The following HDHD2 variants were observed in gnomAD, a reference collection of about 807,000 sequenced individuals.
HDHD2 encodes haloacid dehalogenase-like hydrolase domain-containing protein 2.
In HDHD2, 26 loss-of-function variants were observed where a neutral mutation model predicts 24.8. The ratio of observed to expected loss-of-function variants is 1.05; its 90% CI spans 0.77 to 1.45. HDHD2 has a LOEUF of 1.45. HDHD2 is among the 40% of genes most tolerant of loss of function. The pLI, the probability that HDHD2 is intolerant of heterozygous loss-of-function variation, is 0.00. For missense variants in HDHD2, 299 were observed against 313.4 expected, an observed-to-expected ratio of 0.95 and a Z score of 0.35; for synonymous variants, 128 against 114.9, an observed-to-expected ratio of 1.11 and a Z score of -0.73.
intron 1 of HDHD2, among the ~76,000 whole-genome samples, chr18:47,145,631 G>A (rs2063861950): frequency 6.6e-6 from 1 of 152,104 alleles, no homozygotes; most frequent in African/African-American, 2.4e-5. Context: ...CTTTTCCAAG[G>A]AGATTAAACA....
chr18:47,110,168 G>A, intron 6 of HDHD2: 34 of 985,356 alleles, frequency 3.5e-5, no homozygotes, highest in Non-Finnish European at 4.1e-5. Context: ...ACTTTAAGAG[G>A]CTTTGCCAGA....
chr18:47,142,757 C>G (rs72907243), intron 1 of HDHD2, among the ~76,000 whole-genome samples: 1,824 of 152,122 alleles, frequency 0.012, 21 homozygotes, highest in Non-Finnish European at 0.019. Context: ...TCGAACCACC[C>G]CTCACCCCTT....
chr18:47,144,358 G>C (rs1317790415), intron 1 of HDHD2, among the ~76,000 whole-genome samples: 1 of 152,108 alleles, frequency 6.6e-6, no homozygotes. Context: ...AACTATCCCA[G>C]GCACTCCCTC....
At chr18:47,128,143 T>C (rs1444208871) in intron 4 of HDHD2, among the ~76,000 whole-genome samples, 1 of 152,240 alleles carries the variant, frequency 6.6e-6, no homozygotes, top group Non-Finnish European at 1.5e-5. Context: ...AAGTGCACTG[T>C]AATGTTTTAA....
intron 2 of HDHD2, among the ~76,000 whole-genome samples, chr18:47,135,180 C>CT (rs559163037): frequency 9.1e-4 from 139 of 152,024 alleles, no homozygotes; most frequent in African/African-American, 3.1e-3. Flanking sequence ...GAAAGGTAAG[C>CT]TCCTTGAAAG....
intron 1 of HDHD2, among the ~76,000 whole-genome samples, chr18:47,142,582 T>C (rs930615240): frequency 3.3e-5 from 5 of 152,144 alleles, no homozygotes; most frequent in African/African-American, 1.2e-4. Flanking sequence ...AAAACTTGTA[T>C]ATGCTTCTAT....
At chr18:47,143,360 G>C (rs762860928) in intron 1 of HDHD2, among the ~76,000 whole-genome samples, 2 of 152,150 alleles carry the variant, frequency 1.3e-5, no homozygotes, top group Non-Finnish European at 2.9e-5. Context: ...GATTGCGTAA[G>C]CCCAGGAGTA....
At chr18:47,122,137 A>G (rs565514815) in intron 4 of HDHD2, among the ~76,000 whole-genome samples, 15 of 152,288 alleles carry the variant, frequency 9.8e-5, no homozygotes, top group South Asian at 6.2e-4. Flanking sequence ...AAGGCCTGGT[A>G]CCTTTTGCTA....
intron 1 of HDHD2, among the ~76,000 whole-genome samples, chr18:47,145,686 T>C (rs1030280675): frequency 7.2e-5 from 11 of 152,132 alleles, no homozygotes; most frequent in African/African-American, 2.7e-4. Context: ...TAGGAGAGTA[T>C]CTTCATGACT....
chr18:47,133,276 G>A lies in HDHD2; in HGVS notation c.310+1220C>T, dbSNP rs144404801. Among the ~76,000 whole-genome samples the A allele has an allele frequency of 8.1e-4, 123 of 151,934 alleles. 1 individual carries two copies. The highest frequency in any genetic ancestry group is 1.7e-3 in the South Asian group (8 of 4,806). On this transcript the variant is annotated intron_variant, in intron 3 of 6. Transcript: ENST00000300605. Reference sequence around the variant, plus strand: ...TTTTCTGTCCTTGCAATAGTTTGCTGAGAATGGTGGTTTCCAGCTTCATCC... The same window carrying A: ...TTTTCTGTCCTTGCAATAGTTTGCTAAGAATGGTGGTTTCCAGCTTCATCC...
At chr18:47,137,241 A>G in intron 1 of HDHD2, 1 of 587,654 alleles carries the variant, frequency 1.7e-6, no homozygotes, top group Non-Finnish European at 3.2e-6. Flanking sequence ...ATACCTGCAC[A>G]TTTGGAAATG....
chr18:47,109,088 C>T, intron 6 of HDHD2: 2 of 313,722 alleles, frequency 6.4e-6, no homozygotes, highest in Non-Finnish European at 1.2e-5. Context: ...ATTTTCTTTC[C>T]CCTACCCTCA....
chr18:47,138,887 C>G lies in HDHD2; in HGVS notation c.-10-2438G>C, dbSNP rs140134670. The stretch of plus-strand genomic sequence containing the variant: ...TCAAGAACAATCTAAACAGGCCTTA[C>G]TGGGTTTAGATCATACCCTTTACAT... On this transcript the variant is annotated intron_variant, in intron 1 of 6. Transcript: ENST00000300605. 2.0e-3 allele frequency among the ~76,000 whole-genome samples: 305 copies of G among 152,316 alleles called. 1 individual carries two copies. Among genetic ancestry groups the G allele is most frequent in the African/African-American group, 6.9e-3 (286 of 41,582 alleles).
intron 6 of HDHD2, chr18:47,109,196 CA>C (rs1185385540): frequency 2.4e-5 from 4 of 163,350 alleles, no homozygotes. Flanking sequence ...CAACTGGGAA[CA>C]GGATGTGCTG....
Position 47,115,305 on chromosome 18 carries a change from T to A in HDHD2, c.439A>T (p.Arg147Trp). The change falls in exon 5 of 7, where the codon AGG becomes TGG. Residue 147 changes from arginine (R) to tryptophan (W), a missense_variant. Arg to Trp is a moderately radical substitution (Grantham distance 101). Coordinates refer to ENST00000300605, the MANE Select transcript of HDHD2 (RefSeq NM_032124.5). ...GAPLIAIHKA[R>W]YYKRKDGLAL... The stretch of plus-strand genomic sequence containing the variant: ...AAGCCATCTTTCCTCTTGTAATACC[T>A]GGCTTTGTGGATTGCTATCAGAGGT... The A allele has an allele frequency of 1.2e-6, 2 of 1,614,014 alleles. No homozygotes were observed. Among genetic ancestry groups the A allele is most frequent in the East Asian group, 2.2e-5 (1 of 44,872 alleles).
At chr18:47,139,014 G>T (rs1045075648) in intron 1 of HDHD2, among the ~76,000 whole-genome samples, 16 of 152,164 alleles carry the variant, frequency 1.1e-4, no homozygotes, top group Non-Finnish European at 2.1e-4. Context: ...CTGATCACAT[G>T]GAGGCTGATA....
At chr18:47,127,879 T>A (rs1375349594) in intron 4 of HDHD2, among the ~76,000 whole-genome samples, 1 of 152,246 alleles carries the variant, frequency 6.6e-6, no homozygotes, top group Non-Finnish European at 1.5e-5. Context: ...TGATGTAACA[T>A]GCCTCTGAAG....
chr18:47,130,270 A>G lies in HDHD2; in HGVS notation c.369T>C (p.His123=). 6.2e-7 allele frequency: 1 copy of G among 1,606,336 alleles called. No homozygotes were observed. Among genetic ancestry groups the G allele is most frequent in the South Asian group, 1.1e-5 (1 of 90,376 alleles). ...VVMGLAPEHF[H]YQILNQAFRL... ...GGAATGCTTGATTCAGAATTTGATAATGAAAATGTTCTGGTGCCAATCCCA... is the reference window on the plus strand; with the variant it reads ...GGAATGCTTGATTCAGAATTTGATAGTGAAAATGTTCTGGTGCCAATCCCA... Residue 123 remains histidine (H), a synonymous_variant, in exon 4 of 7, where the codon CAT becomes CAC. Coordinates refer to ENST00000300605, the MANE Select transcript of HDHD2 (RefSeq NM_032124.5).
At chr18:47,111,201 T>C in intron 6 of HDHD2, 10 of 985,314 alleles carry the variant, frequency 1.0e-5, no homozygotes, top group Non-Finnish European at 1.2e-5. Context: ...GTTACGCTGA[T>C]GGCTTCTCAG....
Sources: gnomAD v4.1 joint callset for allele counts (sites outside exome capture counted in the v4.1 genomes callset) on GRCh38, gnomAD v4.1.1 for gene constraint, MANE v1.5 for transcripts, NCBI Gene and HGNC (gene_info 2026-07-23, HGNC 2026-07-21) for gene names.